The following SGCZ variants were observed in gnomAD, a reference collection of about 807,000 sequenced individuals.
The protein encoded by SGCZ is zeta-sarcoglycan.
In SGCZ, 40 loss-of-function variants were observed where a neutral mutation model predicts 41.3. The ratio of observed to expected loss-of-function variants is 0.97; its 90% CI spans 0.75 to 1.26. The LOEUF is 1.26. SGCZ is among the 50% of genes most tolerant of loss of function. The pLI is 0.00. For missense variants in SGCZ, 552 were observed against 369.8 expected (o/e 1.49, Z -4.04); for synonymous variants, 206 against 137.5 (o/e 1.50, Z -3.49).
chr8:14,886,724 G>T (rs962084755), intron 1 of SGCZ, among the ~76,000 whole-genome samples: 2 of 152,164 alleles, frequency 1.3e-5, no homozygotes, highest in African/African-American at 2.4e-5. Flanking sequence ...GGCTTGGCTT[G>T]TTCTACTCTA....
chr8:14,242,180 A>G (rs191433155), intron 3 of SGCZ, among the ~76,000 whole-genome samples: 268 of 152,346 alleles, frequency 1.8e-3, no homozygotes, highest in Non-Finnish European at 3.0e-3. Flanking sequence ...ATTGTTGAGA[A>G]GATATGGGTG....
In SGCZ at chr8:14,088,581, A is replaced by G. The variant is rs569229087; in HGVS notation, c.*1862T>C. On this transcript the variant is annotated 3_prime_UTR_variant, in exon 8 of 8. Coordinates refer to ENST00000382080, the MANE Select transcript of SGCZ (RefSeq NM_139167.4). ...TTAATATAAATTAAACTCTTGTGTTATAACTTTGTAAGCAATCGTATATCA... is the reference window on the plus strand; with the variant it reads ...TTAATATAAATTAAACTCTTGTGTTGTAACTTTGTAAGCAATCGTATATCA... Among the ~76,000 whole-genome samples, 1 of 151,966 alleles carries G rather than the reference A, an allele frequency of 6.6e-6. No homozygotes were observed. Among genetic ancestry groups the G allele is most frequent in the East Asian group, 1.9e-4 (1 of 5,150 alleles).
chr8:14,674,376 G>A lies in SGCZ; in HGVS notation c.40-119450C>T, dbSNP rs142781567. Among the ~76,000 whole-genome samples the A allele has an allele frequency of 1.7e-3, 260 of 152,080 alleles. 1 individual carries two copies. In the South Asian group the frequency reaches 0.021, roughly 12 times the overall value. ...ACTATTGTTCAAAGTAATTAAAACA[G>A]CTCATTTTTAAGATTAAATTTACAA... On this transcript the variant is annotated intron_variant, in intron 1 of 7. Coordinates refer to ENST00000382080, the MANE Select transcript of SGCZ (RefSeq NM_139167.4).
At chr8:14,637,973 A>G (rs1176709629) in intron 1 of SGCZ, among the ~76,000 whole-genome samples, 2 of 151,866 alleles carry the variant, frequency 1.3e-5, no homozygotes, top group African/African-American at 2.4e-5. Context: ...CTTTGCCAGT[A>G]TCTGTTATCC....
At chr8:14,504,386 C>G (rs899557544) in intron 2 of SGCZ, among the ~76,000 whole-genome samples, 1 of 152,162 alleles carries the variant, frequency 6.6e-6, no homozygotes, top group Non-Finnish European at 1.5e-5. Context: ...ATTAAGGAAA[C>G]CTTCATAAAA....
intron 1 of SGCZ, among the ~76,000 whole-genome samples, chr8:15,113,260 T>C (rs1239300854): frequency 2.0e-5 from 3 of 152,004 alleles, no homozygotes; most frequent in Non-Finnish European, 4.4e-5. Flanking sequence ...GCAATATAGT[T>C]CATAATTCTA....
At chr8:14,233,367 G>C (rs915696243) in intron 4 of SGCZ, among the ~76,000 whole-genome samples, 1 of 151,406 alleles carries the variant, frequency 6.6e-6, no homozygotes, top group Admixed American at 6.6e-5. Flanking sequence ...CCTATACTTT[G>C]TAAACTACTT....
At chr8:14,338,952 A>G (rs11997026) in intron 2 of SGCZ, among the ~76,000 whole-genome samples, 6,832 of 152,292 alleles carry the variant, frequency 0.045, 506 homozygotes, top group African/African-American at 0.15. Flanking sequence ...GTGCACAGAC[A>G]TTGTTAAGGC....
intron 1 of SGCZ, among the ~76,000 whole-genome samples, chr8:14,584,907 T>C (rs1056428838): frequency 6.6e-6 from 1 of 152,122 alleles, no homozygotes; most frequent in Non-Finnish European, 1.5e-5. Flanking sequence ...GGAAATTTAC[T>C]TACAGTCATT....
chr8:15,072,156 C>T (rs1169366812), intron 1 of SGCZ, among the ~76,000 whole-genome samples: 1 of 152,080 alleles, frequency 6.6e-6, no homozygotes, highest in African/African-American at 2.4e-5. Flanking sequence ...TTCTAGGCAA[C>T]CTCTCAATGC....
intron 2 of SGCZ, among the ~76,000 whole-genome samples, chr8:14,551,562 TATATATAATA>T: frequency 5.9e-5 from 1 of 17,024 alleles, no homozygotes; most frequent in Middle Eastern, 0.056. Context: ...ATATATATTA[TATATATAATA>T]TATATATAAT....
chr8:14,643,939 G>C (rs573777669), intron 1 of SGCZ, among the ~76,000 whole-genome samples: 14 of 151,324 alleles, frequency 9.3e-5, no homozygotes, highest in African/African-American at 3.4e-4. Flanking sequence ...TACATTATAA[G>C]TCAGTGTGAA....
At chr8:14,567,578 A>G (rs992289001) in intron 1 of SGCZ, among the ~76,000 whole-genome samples, 3 of 152,176 alleles carry the variant, frequency 2.0e-5, no homozygotes, top group Non-Finnish European at 4.4e-5. Flanking sequence ...GTGGGGCTAG[A>G]TAAGAGAATA....
chr8:14,100,877 TTTTCTTCTCAA>T (rs2116978444), intron 7 of SGCZ, among the ~76,000 whole-genome samples: 1 of 152,008 alleles, frequency 6.6e-6, no homozygotes, highest in East Asian at 1.9e-4. Flanking sequence ...CTTTCATTCT[TTTTCTTCTCAA>T]TTTGACCTTT....
At chr8:14,175,003 G>A (rs936144063) in intron 4 of SGCZ, among the ~76,000 whole-genome samples, 1 of 151,962 alleles carries the variant, frequency 6.6e-6, no homozygotes, top group Non-Finnish European at 1.5e-5. Context: ...ATTTTAACTT[G>A]GATATTTTTA....
At chr8:14,102,264 TATTTTCTACTGAAAG>T in intron 7 of SGCZ, 97 bp downstream of exon 7, 1 of 1,167,780 alleles carries the variant, frequency 8.6e-7, no homozygotes, top group Non-Finnish European at 1.1e-6. Context: ...CAACTCCATT[TATTTTCTACTGAAAG>T]ATATTCCTTC....
intron 1 of SGCZ, among the ~76,000 whole-genome samples, chr8:15,206,754 G>T (rs957954024): frequency 4.6e-5 from 7 of 151,706 alleles, no homozygotes; most frequent in African/African-American, 1.5e-4. Context: ...GCCGGGCAGA[G>T]TCTTTAATGA....
chr8:14,555,755 G>A (rs192888595), intron 1 of SGCZ, among the ~76,000 whole-genome samples: 21 of 152,092 alleles, frequency 1.4e-4, no homozygotes, highest in Admixed American at 9.8e-4. Flanking sequence ...GATACAAATG[G>A]TTCAGTATAT....
intron 2 of SGCZ, among the ~76,000 whole-genome samples, chr8:14,391,190 G>T (rs929285424): frequency 3.3e-5 from 5 of 152,070 alleles, no homozygotes; most frequent in Admixed American, 6.6e-5. Context: ...AATGGAAAAA[G>T]TAAGACTGGC....
Sources: gnomAD v4.1 joint callset for allele counts (sites outside exome capture counted in the v4.1 genomes callset) on GRCh38, gnomAD v4.1.1 for gene constraint, MANE v1.5 for transcripts, NCBI Gene and HGNC (gene_info 2026-07-23, HGNC 2026-07-21) for gene names.